Variants in VAMP7 observed in about 807,000 individuals in gnomAD.
The protein encoded by VAMP7 is vesicle associated membrane protein 7, also known as vesicle-associated membrane protein 7.
A neutral mutation model predicts 29.6 loss-of-function variants in VAMP7; 14 were observed. The ratio of observed to expected loss-of-function variants is 0.47; its 90% CI spans 0.31 to 0.74. VAMP7 has a LOEUF of 0.74. Ranked by LOEUF, VAMP7 falls within the 30% of genes least tolerant of loss-of-function variation. The pLI is 0.05. For synonymous variants in VAMP7, 95 were observed against 88.1 expected, an observed-to-expected ratio of 1.08 and a Z score of -0.44; for missense variants, 223 against 262.4, an observed-to-expected ratio of 0.85 and a Z score of 1.04.
intron 5 of VAMP7, among the ~76,000 whole-genome samples, chrX:155,915,282 TA>T (rs1357666722): frequency 6.6e-6 from 1 of 152,168 alleles, no homozygotes; most frequent in African/African-American, 2.4e-5. Context: ...GCTAGCAGTC[TA>T]TCAATTTTGT....
At chrX:155,898,310 T>C in intron 4 of VAMP7, 61 bp downstream of exon 4, 1 of 1,584,510 alleles carries the variant, frequency 6.3e-7, no homozygotes, top group Non-Finnish European at 8.6e-7. Context: ...CTTCAAACAC[T>C]ATGAATCTAG....
At chrX:155,930,419 G>T (rs1291056677) in intron 6 of VAMP7, among the ~76,000 whole-genome samples, 3 of 151,254 alleles carry the variant, frequency 2.0e-5, no homozygotes, top group Non-Finnish European at 4.4e-5. Flanking sequence ...AAAGCTGAAA[G>T]ATCTCTAAAA....
At position 155,907,705 on chromosome X, in the gene VAMP7, C is replaced by G. The variant is rs1402916003; in HGVS notation, c.433+7118C>G. 1.3e-5 allele frequency among the ~76,000 whole-genome samples: 2 copies of G among 152,154 alleles called. 1 individual carries two copies. The highest frequency in any genetic ancestry group is 2.9e-5 in the Non-Finnish European group (2 of 68,018). On this transcript the variant is annotated intron_variant, in intron 5 of 7. Coordinates refer to ENST00000286448, the MANE Select transcript of VAMP7 (RefSeq NM_005638.6). ...CACAGACACAGCAACCATCCGATTT[C>G]TCAATCTTTTCCCCACCTTTCCCCC...
chrX:155,891,627 C>G (rs1443483207), intron 2 of VAMP7, among the ~76,000 whole-genome samples: 3 of 152,194 alleles, frequency 2.0e-5, no homozygotes, highest in African/African-American at 4.8e-5. Context: ...CAGTAATGAT[C>G]AAATAATTGC....
intron 2 of VAMP7, among the ~76,000 whole-genome samples, chrX:155,892,944 G>A (rs1267602034): frequency 1.3e-5 from 2 of 151,852 alleles, no homozygotes; most frequent in Non-Finnish European, 2.9e-5. Context: ...GTAGAGATGG[G>A]GTTTCACCAT....
intron 5 of VAMP7, among the ~76,000 whole-genome samples, chrX:155,912,891 G>C (rs2066258186): frequency 6.6e-6 from 1 of 152,108 alleles, no homozygotes; most frequent in South Asian, 2.1e-4. Flanking sequence ...TGGGATTGCT[G>C]GGTCAAATGG....
At chrX:155,941,160 TAAAAA>T in intron 7 of VAMP7, among the ~76,000 whole-genome samples, 1 of 152,096 alleles carries the variant, frequency 6.6e-6, no homozygotes, top group South Asian at 2.1e-4. Context: ...AAATAAAAAA[TAAAAA>T]ATAAATAAAA....
chrX:155,887,656 C>CGG (rs1376760797), intron 1 of VAMP7, among the ~76,000 whole-genome samples: 6 of 151,994 alleles, frequency 3.9e-5, no homozygotes, highest in Non-Finnish European at 7.4e-5. Flanking sequence ...GGGCCAGGTA[C>CGG]GGTGGCTCAT....
intron 6 of VAMP7, among the ~76,000 whole-genome samples, chrX:155,935,470 C>G (rs780819188): frequency 6.6e-6 from 1 of 152,176 alleles, no homozygotes; most frequent in South Asian, 2.1e-4. Context: ...TCACGGATAC[C>G]CTTTCTTCCA....
chrX:155,930,513 G>A (rs1446265397), intron 6 of VAMP7, among the ~76,000 whole-genome samples: 1 of 150,790 alleles, frequency 6.6e-6, no homozygotes, highest in East Asian at 1.9e-4. Flanking sequence ...AAATAGGTGT[G>A]ATTGGGTGCA....
chrX:155,926,883 G>C (rs2066475148), intron 6 of VAMP7, among the ~76,000 whole-genome samples: 2 of 152,112 alleles, frequency 1.3e-5, no homozygotes, highest in South Asian at 4.2e-4. Context: ...TCGGCAAATA[G>C]GGAGGCCTGA....
At chrX:155,921,978 A>T (rs1193745750) in intron 6 of VAMP7, among the ~76,000 whole-genome samples, 11 of 151,734 alleles carry the variant, frequency 7.2e-5, no homozygotes, top group Admixed American at 1.3e-4. Flanking sequence ...GGATTTAAAA[A>T]TTTTTCTCAG....
rs771259506 is a variant in VAMP7, at chrX:155,890,864, T to C, written c.146+1252T>C. 3.9e-5 allele frequency among the ~76,000 whole-genome samples: 6 copies of C among 152,318 alleles called. No homozygotes were observed. In the East Asian group the frequency reaches 1.2e-3, roughly 29 times the overall value. On this transcript the variant is annotated intron_variant, in intron 2 of 7. Transcript: ENST00000286448. Reference sequence around the variant, plus strand: ...ATTACTTTCTATGGCTAACCCCTTATACAGTTTAAGGTGTACTCTAAGCTA... The same window carrying C: ...ATTACTTTCTATGGCTAACCCCTTACACAGTTTAAGGTGTACTCTAAGCTA...
chrX:155,936,517 C>A (rs184639967), intron 6 of VAMP7, among the ~76,000 whole-genome samples: 2 of 152,204 alleles, frequency 1.3e-5, no homozygotes, highest in African/African-American at 4.8e-5. Context: ...GATATAATCT[C>A]CTGGTGTGCT....
intron 5 of VAMP7, among the ~76,000 whole-genome samples, chrX:155,900,811 C>A (rs1026658335): frequency 1.8e-4 from 28 of 152,080 alleles, no homozygotes; most frequent in African/African-American, 6.5e-4. Flanking sequence ...CTTAACAAGA[C>A]TAATTTCTAA....
At chrX:155,930,189 A>G (rs185875335) in intron 6 of VAMP7, among the ~76,000 whole-genome samples, 89 of 152,276 alleles carry the variant, frequency 5.8e-4, no homozygotes, top group Middle Eastern at 3.4e-3. Flanking sequence ...TTCATTATGT[A>G]GGCATTATTG....
At chrX:155,932,836 T>A (rs1251281573) in intron 6 of VAMP7, among the ~76,000 whole-genome samples, 1 of 152,170 alleles carries the variant, frequency 6.6e-6, no homozygotes, top group African/African-American at 2.4e-5. Context: ...TGATATTGGC[T>A]GTGGGTTTGT....
At chrX:155,928,632 C>T (rs1260766736) in intron 6 of VAMP7, among the ~76,000 whole-genome samples, 1 of 152,128 alleles carries the variant, frequency 6.6e-6, no homozygotes, top group Admixed American at 6.6e-5. Context: ...ATGGATAATC[C>T]AGGATACTCT....
intron 1 of VAMP7, among the ~76,000 whole-genome samples, chrX:155,887,400 G>C (rs777945820): frequency 7.2e-4 from 109 of 152,202 alleles, no homozygotes; most frequent in African/African-American, 2.6e-3. Context: ...AAAAAGAGCA[G>C]CCAGAGATGT....
Sources: allele counts gnomAD v4.1 joint callset (sites outside exome capture counted in the v4.1 genomes callset), GRCh38; gene constraint gnomAD v4.1.1; transcripts MANE v1.5; gene names NCBI Gene and HGNC (gene_info 2026-07-23, HGNC 2026-07-21).